ANXA13: variants seen among roughly 807,000 people sequenced by gnomAD.
ANXA13 encodes the protein annexin XIII.
ANXA13 carries 36 observed loss-of-function variants against 46.6 expected under a neutral mutation model. The ratio of observed to expected loss-of-function variants is 0.77; its 90% confidence interval spans 0.59 to 1.02. ANXA13 has a LOEUF of 1.02. Ranked by LOEUF, ANXA13 falls within the 50% of genes least tolerant of loss-of-function variation. The pLI, the probability that ANXA13 is intolerant of heterozygous loss-of-function variation, is 0.00. For synonymous variants in ANXA13, 163 were observed against 152.9 expected (o/e 1.07, Z -0.49); for missense variants, 417 against 396.5 (o/e 1.05, Z -0.44).
chr8:123,716,902 T>C (rs1320298672), intron 1 of ANXA13, among the ~76,000 whole-genome samples: 1 of 152,174 alleles, frequency 6.6e-6, no homozygotes, highest in Non-Finnish European at 1.5e-5. Flanking sequence ...AGATACAGAA[T>C]GGGCTGCGGG....
rs751588826 is a variant in ANXA13, at chr8:123,688,871, C to T, written c.718G>A (p.Val240Met). ...GDLQKAYLTL[V>M]RCAQDCEDYF... ...AGGAGCTCTCCTAACTTTACTTTACCGAGAGTTAAATAGGCCTTCTGCAAG... is the reference window on the plus strand; with the variant it reads ...AGGAGCTCTCCTAACTTTACTTTACTGAGAGTTAAATAGGCCTTCTGCAAG... Residue 240 changes from valine to methionine, a missense_variant and splice_region_variant, in exon 9 of 11, where the codon GTG (valine) becomes ATG (methionine). Transcript: ENST00000419625. 9.9e-6 allele frequency: 16 copies of T among 1,613,368 alleles called. No homozygotes were observed. Among genetic ancestry groups the T allele is most frequent in the Middle Eastern group, 1.6e-4 (1 of 6,078 alleles).
rs528363634 is a variant in ANXA13 at position 123,693,652 on chromosome 8, A to G, written c.540+59T>C. On this transcript the variant is annotated intron_variant, in intron 7 of 10. Transcript: ENST00000419625. The stretch of plus-strand genomic sequence containing the variant: ...TTGCATGAAATAAACATTTGTTGAA[A>G]ATAATGCTAATAAATTTAAAAAAAG... 76 of 1,424,710 alleles carry G rather than the reference A, an allele frequency of 5.3e-5. 1 individual carries two copies. The African/African-American group carries it at 6.3e-4, about 12-fold the overall frequency. The allele number at this position is 1,424,710 out of a possible 1,614,324, so 88.3% of individuals were successfully genotyped here. A position where few individuals can be genotyped will look rare whatever the true frequency, so the allele number is the denominator to read the frequency against.
Position 123,706,247 on chromosome 8 carries a change from A to T in ANXA13, c.92-3511T>A, listed in dbSNP as rs186312129. Among the ~76,000 whole-genome samples, 33 of 152,272 alleles carry T rather than the reference A, an allele frequency of 2.2e-4. No homozygotes were observed. In the East Asian group the frequency reaches 4.4e-3, roughly 20 times the overall value. The stretch of plus-strand genomic sequence containing the variant: ...TTCTATGACACTATTATGATTTTTA[A>T]AAAAAAACTTCGGAGTGTCAGAAAT... On this transcript the variant is annotated intron_variant, in intron 2 of 10. Coordinates refer to ENST00000419625, the MANE Select transcript of ANXA13 (RefSeq NM_004306.4).
Position 123,695,565 on chromosome 8 carries a change from G to T in ANXA13, c.408C>A (p.Leu136=). Residue 136 remains leucine (L), a synonymous_variant, in exon 6 of 11, where the codon CTC becomes CTA. Coordinates refer to ENST00000419625, the MANE Select transcript of ANXA13 (RefSeq NM_004306.4). The part of the protein sequence containing the change: ...EAYQRLFDRS[L]ESDVKGDTSG... ...TTGTATCACCTTTGACATCTGATTC[G>T]AGGCTCCTATCAAATACTTCGAAGG... 1.2e-6 allele frequency: 2 copies of T among 1,613,912 alleles called. No homozygotes were observed. Among genetic ancestry groups the T allele is most frequent in the Admixed American group, 1.7e-5 (1 of 60,008 alleles).
chr8:123,695,173 G>A (rs1209276064), intron 6 of ANXA13, among the ~76,000 whole-genome samples: 1 of 151,998 alleles, frequency 6.6e-6, no homozygotes, highest in African/African-American at 2.4e-5. Context: ...TCTCTTACTG[G>A]CTGCATGAAC....
intron 9 of ANXA13, 28 bp from the exon 10 acceptor site, chr8:123,684,750 T>TGA: frequency 6.5e-7 from 1 of 1,542,204 alleles, no homozygotes; most frequent in African/African-American, 1.4e-5. Context: ...AAAGAGAATG[T>TGA]GAGGCTTTCA....
In ANXA13 at chr8:123,689,192, C is replaced by G. The variant is rs554733424; in HGVS notation, c.643-246G>C. Among the ~76,000 whole-genome samples the G allele has an allele frequency of 2.0e-5, 3 of 151,252 alleles. No individual in the cohort carries two copies. The South Asian group carries it at 6.3e-4, about 32-fold the overall frequency. On this transcript the variant is annotated intron_variant, in intron 8 of 10. Transcript: ENST00000419625. ...GGATTTGACCTTAGTGCCACTCCCT[C>G]AACCTCAATTTCCTCATCTGTAAAA...
intron 2 of ANXA13, among the ~76,000 whole-genome samples, chr8:123,708,008 A>G (rs1813575514): frequency 6.6e-6 from 1 of 152,164 alleles, no homozygotes; most frequent in Non-Finnish European, 1.5e-5. Context: ...AAGTTCTTTG[A>G]GTCCAGGTCT....
intron 2 of ANXA13, among the ~76,000 whole-genome samples, chr8:123,705,702 A>G (rs188850480): frequency 3.5e-4 from 54 of 152,312 alleles, no homozygotes; most frequent in African/African-American, 1.2e-3. Context: ...GCTGCCACCC[A>G]GCTGAGCCAT....
intron 1 of ANXA13, among the ~76,000 whole-genome samples, chr8:123,725,507 G>A (rs995928889): frequency 6.6e-6 from 1 of 152,192 alleles, no homozygotes; most frequent in African/African-American, 2.4e-5. Flanking sequence ...TAACATTCAT[G>A]AATTCAGAGC....
intron 1 of ANXA13, among the ~76,000 whole-genome samples, chr8:123,721,524 C>G (rs868055429): frequency 4.3e-4 from 65 of 152,134 alleles, no homozygotes; most frequent in African/African-American, 1.6e-3. Flanking sequence ...ATTTTTATTC[C>G]TTTCTTCCAT....
chr8:123,735,894 A>G (rs752310860), intron 1 of ANXA13: 11 of 1,578,070 alleles, frequency 7.0e-6, no homozygotes, highest in Non-Finnish European at 8.6e-6. Flanking sequence ...ATTAAAAAAA[A>G]ATACATAAAA....
chr8:123,727,966 C>T (rs1242723499), intron 1 of ANXA13: 1 of 152,152 alleles, frequency 6.6e-6, no homozygotes, highest in Admixed American at 6.5e-5. Flanking sequence ...GATAAGGTAA[C>T]TAGGAGGAAG....
At chr8:123,683,249 G>C (rs941449717) in intron 10 of ANXA13, among the ~76,000 whole-genome samples, 1 of 151,998 alleles carries the variant, frequency 6.6e-6, no homozygotes, top group African/African-American at 2.4e-5. Context: ...AGTTGTGGAG[G>C]AGGAGAAAGG....
At chr8:123,712,912 C>G (rs1813687594) in intron 1 of ANXA13, among the ~76,000 whole-genome samples, 159 bp from the exon 2 acceptor site, 1 of 152,230 alleles carries the variant, frequency 6.6e-6, no homozygotes. Context: ...TGGGGAGACT[C>G]TGGCCCCAGA....
At chr8:123,695,621 T>C in intron 5 of ANXA13, 40 bp from the exon 6 acceptor site, 1 of 1,610,316 alleles carries the variant, frequency 6.2e-7, no homozygotes, top group Non-Finnish European at 8.5e-7. Flanking sequence ...AAGCAGATGA[T>C]TTAGTTTCCC....
chr8:123,733,905 TAGTCC>T (rs1214058920), intron 1 of ANXA13, among the ~76,000 whole-genome samples: 1 of 152,194 alleles, frequency 6.6e-6, no homozygotes, highest in East Asian at 1.9e-4. Flanking sequence ...ACGCGTTCCA[TAGTCC>T]AGTGCTTCTA....
In ANXA13 at chr8:123,681,160, A is replaced by C. The variant is rs979237950; in HGVS notation, c.*80T>G. 3 of 1,503,550 alleles carry C rather than the reference A, an allele frequency of 2.0e-6. No homozygotes were observed. In the African/African-American group the frequency reaches 4.2e-5, roughly 21 times the overall value. 93.1% of individuals were successfully genotyped at this position (1,503,550 alleles called of 1,614,324 possible). A position where few individuals can be genotyped will look rare whatever the true frequency, so the allele number is the denominator to read the frequency against. Reference sequence around the variant, plus strand: ...GGACTCTTAAGGGTTTTCGTGCGGGAGTCTCATTTGCAAGTTTGATTTGGA... The same window carrying C: ...GGACTCTTAAGGGTTTTCGTGCGGGCGTCTCATTTGCAAGTTTGATTTGGA... On this transcript the variant is annotated 3_prime_UTR_variant, in exon 11 of 11. Coordinates refer to ENST00000419625, the MANE Select transcript of ANXA13 (RefSeq NM_004306.4).
intron 2 of ANXA13, among the ~76,000 whole-genome samples, chr8:123,709,984 C>T (rs1813625005): frequency 1.3e-5 from 2 of 152,122 alleles, no homozygotes; most frequent in South Asian, 4.1e-4. Context: ...GTCTCAAACT[C>T]CTGACCTCAG....
Sources: allele counts gnomAD v4.1 joint callset (sites outside exome capture counted in the v4.1 genomes callset), GRCh38; gene constraint gnomAD v4.1.1; transcripts MANE v1.5; gene names NCBI Gene and HGNC (gene_info 2026-07-23, HGNC 2026-07-21).